The following ROBO2 variants were observed in gnomAD, a reference collection of about 807,000 sequenced individuals.
ROBO2 encodes roundabout homolog 2.
A neutral mutation model predicts 160.8 loss-of-function variants in ROBO2; 53 were observed. The observed-to-expected ratio is 0.33, with a 90% CI of 0.26 to 0.41. ROBO2 has a LOEUF of 0.41. Among genes scored for constraint, ROBO2 ranks in the 10% least tolerant of loss-of-function variants. ROBO2 has a pLI of 1.00. For missense variants in ROBO2, 1,577 were observed against 1,722.4 expected (o/e 0.92, Z 1.49); for synonymous variants, 664 against 611.7 (o/e 1.09, Z -1.26).
At chr3:77,400,677 A>G (rs946546350) in intron 2 of ROBO2, among the ~76,000 whole-genome samples, 1 of 152,146 alleles carries the variant, frequency 6.6e-6, no homozygotes, top group African/African-American at 2.4e-5. Context: ...TCGTTCAAGA[A>G]TCCCTTTTAT....
At chr3:77,177,767 A>C (rs2080296758) in intron 2 of ROBO2, among the ~76,000 whole-genome samples, 2 of 152,026 alleles carry the variant, frequency 1.3e-5, no homozygotes. Flanking sequence ...AAAGAGAGCA[A>C]GGCCATATAC....
intron 2 of ROBO2, among the ~76,000 whole-genome samples, chr3:76,057,432 C>T (rs928903566): frequency 9.2e-5 from 14 of 152,242 alleles, no homozygotes; most frequent in South Asian, 4.1e-4. Flanking sequence ...AAGCATTCTC[C>T]TTAAAATGCT....
intron 2 of ROBO2, among the ~76,000 whole-genome samples, chr3:76,115,220 A>G (rs967494840): frequency 6.6e-6 from 1 of 152,096 alleles, no homozygotes; most frequent in Non-Finnish European, 1.5e-5. Context: ...AACTCCCAAC[A>G]TCAGCATTTC....
intron 5 of ROBO2, among the ~76,000 whole-genome samples, chr3:77,509,612 A>C (rs1387866010): frequency 6.6e-6 from 1 of 152,118 alleles, no homozygotes; most frequent in African/African-American, 2.4e-5. Flanking sequence ...TTCAAAGTTC[A>C]GTAAACAGAA....
At chr3:76,748,149 A>C (rs575838510) in intron 2 of ROBO2, among the ~76,000 whole-genome samples, 3 of 152,106 alleles carry the variant, frequency 2.0e-5, no homozygotes, top group African/African-American at 7.2e-5. Flanking sequence ...CAATCCAGAT[A>C]AATCGAATGT....
At chr3:77,193,851 C>A (rs2082091436) in intron 2 of ROBO2, among the ~76,000 whole-genome samples, 1 of 152,076 alleles carries the variant, frequency 6.6e-6, no homozygotes, top group Admixed American at 6.6e-5. Context: ...TAAAGTGAAG[C>A]CTACCCCCTC....
At chr3:76,413,979 G>A (rs2075625676) in intron 2 of ROBO2, among the ~76,000 whole-genome samples, 1 of 152,182 alleles carries the variant, frequency 6.6e-6, no homozygotes, top group African/African-American at 2.4e-5. Flanking sequence ...TGGCTGGGGA[G>A]GCCTCAGAAT....
chr3:77,326,570 T>C (rs190802804), intron 2 of ROBO2, among the ~76,000 whole-genome samples: 2 of 152,366 alleles, frequency 1.3e-5, no homozygotes, highest in East Asian at 3.9e-4. Context: ...TTGATTAACT[T>C]GAACAATGAC....
chr3:76,789,506 G>C (rs1017150189), intron 2 of ROBO2, among the ~76,000 whole-genome samples: 4 of 151,546 alleles, frequency 2.6e-5, no homozygotes, highest in African/African-American at 9.7e-5. Context: ...CATGTTGTCT[G>C]ATTGCCTTCC....
chr3:76,642,723 G>A (rs573917780), intron 2 of ROBO2, among the ~76,000 whole-genome samples: 1 of 152,072 alleles, frequency 6.6e-6, no homozygotes, highest in Admixed American at 6.5e-5. Context: ...CATGGAAAAA[G>A]AAGTGAGTAC....
intron 6 of ROBO2, among the ~76,000 whole-genome samples, chr3:77,525,971 C>T (rs2091113693): frequency 6.6e-6 from 1 of 151,328 alleles, no homozygotes; most frequent in South Asian, 2.1e-4. Context: ...TTAGAATAAG[C>T]CACAACTTCA....
intron 2 of ROBO2, among the ~76,000 whole-genome samples, chr3:77,435,294 C>A (rs148679362): frequency 4.9e-4 from 74 of 150,946 alleles, no homozygotes; most frequent in Non-Finnish European, 9.6e-4. Flanking sequence ...AGATTGTAGA[C>A]GAAAAAAGAA....
chr3:77,075,813 G>A (rs868410340), intron 1 of ROBO2, among the ~76,000 whole-genome samples: 2 of 151,190 alleles, frequency 1.3e-5, no homozygotes, highest in South Asian at 4.2e-4. Flanking sequence ...GAGTAGTTGG[G>A]ATTACAGGTG....
intron 2 of ROBO2, among the ~76,000 whole-genome samples, chr3:76,455,543 T>G (rs2077706603): frequency 6.6e-6 from 1 of 152,102 alleles, no homozygotes. Context: ...AAATTAATTA[T>G]CCTCCATATA....
chr3:77,171,100 A>G (rs1237366783), intron 2 of ROBO2, among the ~76,000 whole-genome samples: 1 of 152,022 alleles, frequency 6.6e-6, no homozygotes, highest in Non-Finnish European at 1.5e-5. Context: ...TTCTAGAGGG[A>G]TGATTGGTGG....
intron 2 of ROBO2, among the ~76,000 whole-genome samples, chr3:77,400,668 C>T (rs974557764): frequency 6.6e-6 from 1 of 152,070 alleles, no homozygotes; most frequent in Non-Finnish European, 1.5e-5. Context: ...GCCTTGTAAT[C>T]GTTCAAGAAT....
At chr3:77,282,723 A>G (rs2060322427) in intron 2 of ROBO2, among the ~76,000 whole-genome samples, 2 of 152,132 alleles carry the variant, frequency 1.3e-5, no homozygotes, top group South Asian at 4.1e-4. Context: ...ACTCTAATAC[A>G]TTTTATGATA....
chr3:76,795,530 A>T (rs1234202339), intron 2 of ROBO2, among the ~76,000 whole-genome samples: 1 of 152,148 alleles, frequency 6.6e-6, no homozygotes, highest in Non-Finnish European at 1.5e-5. Context: ...CATCCATAAG[A>T]AACAACTTCT....
chr3:76,289,280 G>A (rs1383524071), intron 2 of ROBO2, among the ~76,000 whole-genome samples: 3 of 152,214 alleles, frequency 2.0e-5, no homozygotes, highest in African/African-American at 4.8e-5. Flanking sequence ...GCTTGTTGAC[G>A]ACATGTATGT....
Sources: allele counts gnomAD v4.1 joint callset (sites outside exome capture counted in the v4.1 genomes callset), GRCh38; gene constraint gnomAD v4.1.1; transcripts MANE v1.5; gene names NCBI Gene and HGNC (gene_info 2026-07-23, HGNC 2026-07-21).